THSD7B: variants seen among roughly 807,000 people sequenced by gnomAD.
THSD7B encodes the protein thrombospondin type 1 domain containing 7B, also known as thrombospondin type-1 domain-containing protein 7B.
THSD7B carries 138 observed loss-of-function variants against 213.6 expected under a neutral mutation model. The observed-to-expected ratio is 0.65, with a 90% CI of 0.56 to 0.74. THSD7B has a LOEUF of 0.74. THSD7B is among the 30% of genes least tolerant of loss of function. THSD7B has a pLI of 0.00. For missense variants in THSD7B, 1,931 were observed against 1,991.5 expected, an observed-to-expected ratio of 0.97 and a Z score of 0.58; for synonymous variants, 742 against 687.0, an observed-to-expected ratio of 1.08 and a Z score of -1.25.
chr2:136,939,926 G>A (rs540031812), intron 2 of THSD7B, among the ~76,000 whole-genome samples: 1 of 147,328 alleles, frequency 6.8e-6, no homozygotes, highest in East Asian at 2.0e-4. Flanking sequence ...GTACCAAGTG[G>A]TGACACAGAG....
intron 2 of THSD7B, among the ~76,000 whole-genome samples, chr2:136,949,465 G>A (rs765981812): frequency 7.2e-5 from 11 of 152,196 alleles, no homozygotes; most frequent in Non-Finnish European, 1.5e-4. Context: ...AATTTCGGAG[G>A]GTTGTTTGTT....
intron 2 of THSD7B, among the ~76,000 whole-genome samples, chr2:136,954,253 G>C (rs556046606): frequency 1.6e-3 from 239 of 152,278 alleles, no homozygotes; most frequent in African/African-American, 5.7e-3. Context: ...TTGAGAGTCC[G>C]GAAGGCTCCC....
chr2:137,327,434 C>T (rs1671412243), intron 12 of THSD7B, among the ~76,000 whole-genome samples: 2 of 152,154 alleles, frequency 1.3e-5, no homozygotes, highest in Admixed American at 6.5e-5. Context: ...ATCAATTATT[C>T]CAACCTCTGA....
chr2:137,319,177 GA>G (rs1487054405), intron 12 of THSD7B, among the ~76,000 whole-genome samples: 4 of 146,866 alleles, frequency 2.7e-5, no homozygotes, highest in African/African-American at 1.0e-4. Flanking sequence ...GTTTTTTGAA[GA>G]CAAAAAAAAG....
At chr2:136,935,145 G>C (rs1346738) in intron 2 of THSD7B, among the ~76,000 whole-genome samples, 1 of 152,034 alleles carries the variant, frequency 6.6e-6, no homozygotes, top group Non-Finnish European at 1.5e-5. Flanking sequence ...TCTAAGAAAT[G>C]ATTCAGATAT....
At chr2:136,891,875 G>T (rs1336411203) in intron 2 of THSD7B, among the ~76,000 whole-genome samples, 1 of 152,138 alleles carries the variant, frequency 6.6e-6, no homozygotes, top group Non-Finnish European at 1.5e-5. Flanking sequence ...GGGTCATTAG[G>T]CCCTGCTAAG....
chr2:137,405,385 G>T (rs572936489), intron 12 of THSD7B, among the ~76,000 whole-genome samples: 110 of 152,098 alleles, frequency 7.2e-4, no homozygotes, highest in African/African-American at 2.6e-3. Flanking sequence ...TGCTGTCGAC[G>T]CAGGGTTTGG....
At chr2:136,806,410 A>G (rs568182215) in intron 1 of THSD7B, among the ~76,000 whole-genome samples, 6 of 152,238 alleles carry the variant, frequency 3.9e-5, no homozygotes, top group Non-Finnish European at 7.3e-5. Context: ...TTCTGAGAGT[A>G]AGTATGATAA....
chr2:137,243,787 A>G (rs1351055789), intron 10 of THSD7B, among the ~76,000 whole-genome samples: 1 of 152,216 alleles, frequency 6.6e-6, no homozygotes, highest in African/African-American at 2.4e-5. Context: ...ATGGTGGAGT[A>G]CCAGCACAAA....
At chr2:137,204,761 T>C (rs1280464137) in intron 7 of THSD7B, among the ~76,000 whole-genome samples, 1 of 152,114 alleles carries the variant, frequency 6.6e-6, no homozygotes, top group Non-Finnish European at 1.5e-5. Context: ...TAAGAAGTTA[T>C]ACTGAAAAGT....
At position 137,444,904 on chromosome 2, in the gene THSD7B, A is replaced by G. The variant is rs184597004; in HGVS notation, c.2960-5941A>G. On this transcript the variant is annotated intron_variant, in intron 14 of 27. Transcript: ENST00000409968. Reference sequence around the variant, plus strand: ...GATTAATAACCAGAATATAAAAGGAACTCCAATAGCAAAAACAAATAATCC... The same window carrying G: ...GATTAATAACCAGAATATAAAAGGAGCTCCAATAGCAAAAACAAATAATCC... 4.1e-3 allele frequency among the ~76,000 whole-genome samples: 629 copies of G among 152,050 alleles called. 5 individuals are homozygous for G. Among genetic ancestry groups the G allele is most frequent in the African/African-American group, 0.014 (602 of 41,544 alleles).
chr2:137,330,244 A>G (rs1684470651), intron 12 of THSD7B, among the ~76,000 whole-genome samples: 1 of 152,204 alleles, frequency 6.6e-6, no homozygotes, highest in Non-Finnish European at 1.5e-5. Flanking sequence ...ACATGGGGTC[A>G]GAACCCCCAC....
chr2:137,216,349 T>G (rs1284393084), intron 7 of THSD7B, among the ~76,000 whole-genome samples: 1 of 135,140 alleles, frequency 7.4e-6, no homozygotes, highest in African/African-American at 2.8e-5. Flanking sequence ...AGAGAAACAA[T>G]ATTGCATTCT....
intron 5 of THSD7B, among the ~76,000 whole-genome samples, chr2:137,131,698 A>G (rs1452462967): frequency 1.3e-5 from 2 of 152,094 alleles, no homozygotes; most frequent in South Asian, 2.1e-4. Context: ...GTAGATATGC[A>G]GCGTTATTTC....
chr2:137,077,835 T>C (rs1687663023), intron 3 of THSD7B, among the ~76,000 whole-genome samples: 1 of 152,046 alleles, frequency 6.6e-6, no homozygotes, highest in Non-Finnish European at 1.5e-5. Context: ...TTTAATTAGA[T>C]CCCATTTGTC....
At chr2:137,097,734 C>T (rs1283572429) in intron 4 of THSD7B, among the ~76,000 whole-genome samples, 1 of 150,988 alleles carries the variant, frequency 6.6e-6, no homozygotes, top group Non-Finnish European at 1.5e-5. Flanking sequence ...GATCCTGGCC[C>T]TCTAGTTCTA....
chr2:136,852,881 C>T (rs770594398), intron 1 of THSD7B, among the ~76,000 whole-genome samples: 5 of 151,994 alleles, frequency 3.3e-5, no homozygotes, highest in Non-Finnish European at 7.4e-5. Flanking sequence ...TTTGGCATTT[C>T]CATTAAAAAA....
intron 15 of THSD7B, among the ~76,000 whole-genome samples, chr2:137,538,262 T>C (rs1280686726): frequency 6.6e-6 from 1 of 151,712 alleles, no homozygotes; most frequent in East Asian, 1.9e-4. Flanking sequence ...GTGTTCTCTA[T>C]TTCCACACAA....
intron 3 of THSD7B, among the ~76,000 whole-genome samples, chr2:137,063,645 G>T (rs1687320964): frequency 6.6e-6 from 1 of 151,796 alleles, no homozygotes; most frequent in South Asian, 2.1e-4. Context: ...GTTACTGTGT[G>T]CCCATTAATC....
Sources: allele counts gnomAD v4.1 joint callset (sites outside exome capture counted in the v4.1 genomes callset), GRCh38; gene constraint gnomAD v4.1.1; transcripts MANE v1.5; gene names NCBI Gene and HGNC (gene_info 2026-07-23, HGNC 2026-07-21).